The following KLHL25 variants were observed in gnomAD, a reference collection of about 807,000 sequenced individuals.
KLHL25 encodes kelch-like protein 25.
Under a neutral mutation model 30.0 loss-of-function variants are expected in KLHL25, and 41 were observed. The observed-to-expected ratio is 1.37, with a 90% confidence interval of 1.07 to 1.78. The LOEUF is 1.78. Among genes scored for constraint, KLHL25 ranks in the 40% most tolerant of loss-of-function variants. The pLI, the probability that KLHL25 is intolerant of heterozygous loss-of-function variation, is 0.00. For missense variants in KLHL25, 971 were observed against 824.5 expected (o/e 1.18, Z -2.18); for synonymous variants, 399 against 355.3 (o/e 1.12, Z -1.38).
At chr15:85,775,568 C>T (rs913838688) in intron 1 of KLHL25, among the ~76,000 whole-genome samples, 4 of 152,148 alleles carry the variant, frequency 2.6e-5, no homozygotes, top group Non-Finnish European at 5.9e-5. Flanking sequence ...CCATCATTCC[C>T]GTTTTATTGA....
chr15:85,793,250 C>T (rs972002252), intron 1 of KLHL25, among the ~76,000 whole-genome samples: 5 of 152,162 alleles, frequency 3.3e-5, no homozygotes, highest in African/African-American at 1.2e-4. Flanking sequence ...CTCTTCTCTC[C>T]GCACCACATA....
rs117200419 is a variant in KLHL25 at position 85,789,308 on chromosome 15, G to A, written c.-11+5458C>T. On this transcript the variant is annotated intron_variant, in intron 1 of 2. Transcript: ENST00000337975. This position sits in a 1 kb window ranked among gnomAD's most constrained non-coding sequence, Gnocchi z 4.1. ...ATGGCCTGCTCAGCCCTGCTTCCCCGTGGGAGGAGCCATCCAACTGGTCTT... is the reference window on the plus strand; with the variant it reads ...ATGGCCTGCTCAGCCCTGCTTCCCCATGGGAGGAGCCATCCAACTGGTCTT... Among the ~76,000 whole-genome samples, 22 of 152,202 alleles carry A rather than the reference G, an allele frequency of 1.4e-4. No homozygotes were observed. In the East Asian group the frequency reaches 3.1e-3, roughly 21 times the overall value.
rs753642281 is a variant in KLHL25, at chr15:85,769,491, G to A, written c.320C>T (p.Ser107Phe). The change falls in exon 2 of 3, where the codon TCC (serine) becomes TTC (phenylalanine). Residue 107 changes from serine to phenylalanine, a missense_variant. Coordinates refer to ENST00000337975, the MANE Select transcript of KLHL25 (RefSeq NM_022480.4). ...VLELLLDFAY[S>F]SRIAINEENA... ...CTCCTCGTTGATGGCGATGCGTGAG[G>A]AGTAGGCAAAGTCCAGCAGCAGCTC... 1.2e-6 allele frequency: 2 copies of A among 1,614,030 alleles called. No individual in the cohort carries two copies. The highest frequency in any genetic ancestry group is 1.7e-6 in the Non-Finnish European group (2 of 1,180,040).
At chr15:85,776,025 T>C (rs770009126) in intron 1 of KLHL25, among the ~76,000 whole-genome samples, 2 of 146,548 alleles carry the variant, frequency 1.4e-5, no homozygotes, top group Non-Finnish European at 3.0e-5. Flanking sequence ...TACAAAAAAT[T>C]ACCCGGGCAT....
intron 1 of KLHL25, among the ~76,000 whole-genome samples, chr15:85,790,111 C>T (rs117581481): frequency 0.016 from 2,475 of 152,222 alleles, 33 homozygotes; most frequent in Non-Finnish European, 0.026. Flanking sequence ...GTTGTTGAGA[C>T]GGAGTTTCGC....
chr15:85,794,156 C>T (rs963947418), intron 1 of KLHL25, among the ~76,000 whole-genome samples: 1 of 152,218 alleles, frequency 6.6e-6, no homozygotes, highest in Non-Finnish European at 1.5e-5. Flanking sequence ...CTGGCCGCCA[C>T]CCAGGTGGAC....
chr15:85,759,855 G>A lies in KLHL25; in HGVS notation c.*1181C>T, dbSNP rs1023818705. On this transcript the variant is annotated 3_prime_UTR_variant, in exon 3 of 3. Transcript: ENST00000337975. ...GCACCAACACCCCTCCCTCTCAAAT[G>A]GTGGCTTGGGAGTGAGCGAGAGGCA... The A allele has an allele frequency of 1.3e-5, 2 of 152,286 alleles. No individual in the cohort carries two copies. The highest frequency in any genetic ancestry group is 2.9e-5 in the Non-Finnish European group (2 of 68,110). 9.4% of individuals were successfully genotyped at this position (152,286 alleles called of 1,614,324 possible). A position where few individuals can be genotyped will look rare whatever the true frequency, so the allele number is the denominator to read the frequency against.
chr15:85,780,477 C>G (rs886487899), intron 1 of KLHL25, among the ~76,000 whole-genome samples: 1 of 152,234 alleles, frequency 6.6e-6, no homozygotes, highest in Non-Finnish European at 1.5e-5. Context: ...GGCTGTCTCT[C>G]TTCCTGTCTG....
Position 85,768,070 on chromosome 15 carries a change from C to CA in KLHL25, c.1740dup (p.Val581CysfsTer15), listed in dbSNP as rs1223259323. On this transcript the variant is annotated frameshift_variant, in exon 2 of 3. Transcript: ENST00000337975. LOFTEE classifies it low-confidence loss of function (END_TRUNC). ...GCGGGCAGGTGCTTCCAGGTGCTGACAAAGGCCGTGGGGATAAGTGAGTAG... is the reference window on the plus strand; with the variant it reads ...GCGGGCAGGTGCTTCCAGGTGCTGACAAAAGGCCGTGGGGATAAGTGAGTAG... 1 of 1,612,920 alleles carries CA rather than the reference C, an allele frequency of 6.2e-7. No individual in the cohort carries two copies. The highest frequency in any genetic ancestry group is 8.5e-7 in the Non-Finnish European group (1 of 1,179,132).
Position 85,769,398 on chromosome 15 carries a change from T to G in KLHL25, c.413A>C (p.Glu138Ala). The G allele has an allele frequency of 6.2e-7, 1 of 1,614,096 alleles. No individual in the cohort carries two copies. Among genetic ancestry groups the G allele is most frequent in the Non-Finnish European group, 8.5e-7 (1 of 1,180,028 alleles). ...GGGGAAAAGGTTCTTCTCCAGGAAC[T>G]CGGCGGCAGCATCCCGCACATCGTG... ...QFHDVRDAAA[E>A]FLEKNLFPSN... is the part of the protein sequence containing the mutation. Residue 138 changes from glutamate to alanine, a missense_variant, in exon 2 of 3, where the codon GAG becomes GCG. Physicochemically the swap from Glu to Ala is moderately radical, Grantham distance 107 (BLOSUM62 -1). Transcript: ENST00000337975.
Position 85,791,194 on chromosome 15 carries a change from C to CAAAAAA in KLHL25, c.-11+3566_-11+3571dup, listed in dbSNP as rs67417642. 4.8e-3 allele frequency among the ~76,000 whole-genome samples: 566 copies of CAAAAAA among 118,502 alleles called. 20 individuals are homozygous for CAAAAAA. The highest frequency in any genetic ancestry group is 6.2e-3 in the Admixed American group (72 of 11,696). The allele number at this position is 118,502 out of a possible 152,430, so 77.7% of individuals were successfully genotyped here. On this transcript the variant is annotated intron_variant, in intron 1 of 2. Transcript: ENST00000337975. Reference sequence around the variant, plus strand: ...TGGGCTACAAGGTAAGACTCAGTCTCAAAAAAAAAAAAAGAAAAATGCCAG... The same window carrying CAAAAAA: ...TGGGCTACAAGGTAAGACTCAGTCTCAAAAAAAAAAAAAAAAAAAGAAAAATGCCAG...
At chr15:85,778,404 T>C (rs761621685) in intron 1 of KLHL25, among the ~76,000 whole-genome samples, 15 of 152,238 alleles carry the variant, frequency 9.9e-5, no homozygotes, top group Non-Finnish European at 1.6e-4. Flanking sequence ...AGGTTAATGA[T>C]AATGGCAACA....
rs1185688126 is a variant in KLHL25 at position 85,768,712 on chromosome 15, C to T, written c.1099G>A (p.Glu367Lys). 1.9e-6 allele frequency: 3 copies of T among 1,613,418 alleles called. No individual in the cohort carries two copies. The highest frequency in any genetic ancestry group is 2.5e-6 in the Non-Finnish European group (3 of 1,179,968). ...DVWVYDTVHE[E>K]WSKAAPMLIA... ...AGCATGGGCGCCGCCTTGGACCATT[C>T]CTCATGTACGGTGTCGTACACCCAG... Residue 367 changes from glutamate to lysine, a missense_variant, in exon 2 of 3, where the codon GAA (glutamate) becomes AAA (lysine). By Grantham distance (56) the Glu-to-Lys change is moderately conservative. Coordinates refer to ENST00000337975, the MANE Select transcript of KLHL25 (RefSeq NM_022480.4).
chr15:85,784,111 GAC>G (rs1350712994), intron 1 of KLHL25, among the ~76,000 whole-genome samples: 2 of 152,344 alleles, frequency 1.3e-5, no homozygotes, highest in East Asian at 1.9e-4. Flanking sequence ...CTGTGATCAT[GAC>G]AGAGATTTTC....
intron 1 of KLHL25, among the ~76,000 whole-genome samples, chr15:85,787,743 G>C (rs894452013): frequency 6.6e-6 from 1 of 152,156 alleles, no homozygotes; most frequent in Non-Finnish European, 1.5e-5. Flanking sequence ...ACACTAAGTG[G>C]TATAAGTTGT....
intron 1 of KLHL25, among the ~76,000 whole-genome samples, chr15:85,774,414 G>A (rs1289250418): frequency 6.6e-6 from 1 of 152,176 alleles, no homozygotes; most frequent in Non-Finnish European, 1.5e-5. Context: ...GGGTAACAAT[G>A]TGCCCAGCAT....
rs2089640535 is a variant in KLHL25 at position 85,768,511 on chromosome 15, C to T, written c.1300G>A (p.Val434Ile). 6 of 1,613,568 alleles carry T rather than the reference C, an allele frequency of 3.7e-6. No homozygotes were observed. The highest frequency in any genetic ancestry group is 2.2e-5 in the East Asian group (1 of 44,882). Reference sequence around the variant, plus strand: ...GCACTCACCACTGCGGCATTGCTGACGCCATCCCGCAAGGGGGCCACCATC... The same window carrying T: ...GCACTCACCACTGCGGCATTGCTGATGCCATCCCGCAAGGGGGCCACCATC... ...WMMVAPLRDG[V>I]SNAAVVSAKL... The change falls in exon 2 of 3, where the codon GTC becomes ATC. Residue 434 changes from valine (V) to isoleucine (I), a missense_variant. Val to Ile is a conservative substitution (Grantham distance 29). Coordinates refer to ENST00000337975, the MANE Select transcript of KLHL25 (RefSeq NM_022480.4).
At chr15:85,767,917 C>T in intron 2 of KLHL25, 100 bp downstream of exon 2, 2 of 787,136 alleles carry the variant, frequency 2.5e-6, no homozygotes, top group South Asian at 1.9e-5. Context: ...CCAGACTTCC[C>T]TGGAAGACAC....
chr15:85,793,887 C>A (rs1266273869), intron 1 of KLHL25, among the ~76,000 whole-genome samples: 1 of 152,218 alleles, frequency 6.6e-6, no homozygotes, highest in Non-Finnish European at 1.5e-5. Context: ...CGCCCCCTCA[C>A]CCACAGTTCG....
Sources: gnomAD v4.1 joint callset for allele counts (sites outside exome capture counted in the v4.1 genomes callset) on GRCh38, gnomAD v4.1.1 for gene constraint, Gnocchi (gnomAD v3.1) non-coding constraint, MANE v1.5 for transcripts, NCBI Gene and HGNC (gene_info 2026-07-23, HGNC 2026-07-21) for gene names.